CUX1: variants seen among roughly 807,000 people sequenced by gnomAD.
The protein encoded by CUX1 is protein CASP.
A neutral mutation model predicts 158.8 loss-of-function variants in CUX1; 31 were observed. The observed-to-expected ratio is 0.20, with a 90% CI of 0.15 to 0.26. The LOEUF is 0.26. CUX1 is among the 10% of genes least tolerant of loss of function. The pLI, the probability that CUX1 is intolerant of heterozygous loss-of-function variation, is 1.00. For missense variants in CUX1, 1,589 were observed against 2,014.6 expected (o/e 0.79, Z 4.04); for synonymous variants, 879 against 862.1 (o/e 1.02, Z -0.34).
chr7:102,070,447 G>C (rs375830413), intron 4 of CUX1, 30 bp downstream of exon 4: 30 of 1,560,718 alleles, frequency 1.9e-5, no homozygotes, highest in Admixed American at 7.4e-5. Flanking sequence ...GCCCACCAGT[G>C]GGGGGCGTTG....
chr7:102,150,534 T>TTG lies in CUX1; in HGVS notation c.675-8024_675-8023dup, dbSNP rs199625312. On this transcript the variant is annotated intron_variant, in intron 8 of 23. Transcript: ENST00000292535. Reference sequence around the variant, plus strand: ...CGCTCTGTATGTTTTTCCAACTGCCTTGTAGATATACTTTGTTTTAACAGC... The same window carrying TTG: ...CGCTCTGTATGTTTTTCCAACTGCCTTGTGTAGATATACTTTGTTTTAACAGC... Among the ~76,000 whole-genome samples the TTG allele has an allele frequency of 8.7e-3, 1,321 of 152,332 alleles. 11 individuals are homozygous for TTG. The highest frequency in any genetic ancestry group is 0.03 in the African/African-American group (1,262 of 41,578).
At chr7:101,889,424 A>G (rs1800616872) in intron 1 of CUX1, among the ~76,000 whole-genome samples, 1 of 152,122 alleles carries the variant, frequency 6.6e-6, no homozygotes, top group Non-Finnish European at 1.5e-5. Flanking sequence ...TTCCAGCTTT[A>G]TGGGATTCAT....
At chr7:101,840,986 C>T (rs774404353) in intron 1 of CUX1, among the ~76,000 whole-genome samples, 4 of 151,978 alleles carry the variant, frequency 2.6e-5, no homozygotes, top group South Asian at 2.1e-4. Flanking sequence ...CTCTGCCTCC[C>T]GGGTTCACAC....
intron 2 of CUX1, among the ~76,000 whole-genome samples, chr7:102,021,403 G>A (rs964096383): frequency 6.6e-6 from 1 of 151,970 alleles, no homozygotes; most frequent in African/African-American, 2.4e-5. Context: ...CAAACTCCTA[G>A]GCTCAAGCCA....
chr7:102,279,598 C>T (rs1408978072), intron 18 of CUX1, among the ~76,000 whole-genome samples: 1 of 152,136 alleles, frequency 6.6e-6, no homozygotes, highest in Non-Finnish European at 1.5e-5. Context: ...CAGCAGCCCC[C>T]AGCCCTGTCC....
chr7:101,883,597 G>A (rs199773099), intron 1 of CUX1, among the ~76,000 whole-genome samples: 14 of 59,676 alleles, frequency 2.3e-4, no homozygotes, highest in Admixed American at 2.1e-3. Flanking sequence ...ATTTTTTTTT[G>A]AAATTTTAAA....
chr7:102,043,279 T>C (rs1822329205), intron 3 of CUX1, among the ~76,000 whole-genome samples: 1 of 151,288 alleles, frequency 6.6e-6, no homozygotes, highest in Admixed American at 6.6e-5. Context: ...CATGCATACA[T>C]TACGAAGTGA....
rs1791930830 is a variant in CUX1 at position 102,279,956 on chromosome 7, A to G, written c.1681-81A>G. 5.6e-6 allele frequency: 5 copies of G among 894,454 alleles called. No individual in the cohort carries two copies. In the South Asian group the frequency reaches 6.8e-5, roughly 12 times the overall value. 55.4% of individuals were successfully genotyped at this position (894,454 alleles called of 1,614,324 possible). A position where few individuals can be genotyped will look rare whatever the true frequency, so the allele number is the denominator to read the frequency against. ...ACTTCCCTTTTTTGCAGATGAGGAAACTGAGGCTCCCCTGGGCTCCTGCCC... is the reference window on the plus strand; with the variant it reads ...ACTTCCCTTTTTTGCAGATGAGGAAGCTGAGGCTCCCCTGGGCTCCTGCCC... On this transcript the variant is annotated intron_variant, in intron 18 of 22. Transcript: ENST00000292538.
chr7:101,864,104 ATGG>A (rs965558513), intron 1 of CUX1, among the ~76,000 whole-genome samples: 1 of 151,430 alleles, frequency 6.6e-6, no homozygotes, highest in Non-Finnish European at 1.5e-5. Context: ...ATTCCCACCA[ATGG>A]TGCACAAGGG....
intron 2 of CUX1, among the ~76,000 whole-genome samples, chr7:101,999,892 G>A (rs1280300167): frequency 6.6e-6 from 1 of 152,182 alleles, no homozygotes; most frequent in Admixed American, 6.5e-5. Context: ...GTGCGTGTGT[G>A]TGTGCGTGTG....
chr7:101,990,923 A>G (rs1815030426), intron 2 of CUX1, among the ~76,000 whole-genome samples: 1 of 152,196 alleles, frequency 6.6e-6, no homozygotes, highest in African/African-American at 2.4e-5. Flanking sequence ...GTGCCATAGG[A>G]TAAAAGCCAC....
At position 101,848,614 on chromosome 7, in the gene CUX1, G is replaced by A. The variant is rs927711587; in HGVS notation, c.30+30945G>A. The stretch of plus-strand genomic sequence containing the variant: ...CTCCATGGGGGCCAAATTTAGTTGC[G>A]AATTTGCCCACTTTTGTGCAGAGTG... On this transcript the variant is annotated intron_variant, in intron 1 of 23. Transcript: ENST00000292535. Among the ~76,000 whole-genome samples the A allele has an allele frequency of 8.6e-5, 13 of 152,002 alleles. 1 individual carries two copies. The highest frequency in any genetic ancestry group is 1.9e-4 in the East Asian group (1 of 5,182).
intron 17 of CUX1, 133 bp downstream of exon 17, chr7:102,200,305 G>A (rs782186133): frequency 2.3e-5 from 15 of 662,940 alleles, no homozygotes; most frequent in East Asian, 3.0e-5. Flanking sequence ...ATTTAGGCAC[G>A]TAGAGAGAAG....
intron 4 of CUX1, among the ~76,000 whole-genome samples, chr7:102,087,879 C>T (rs1234902051): frequency 1.3e-5 from 2 of 152,128 alleles, no homozygotes; most frequent in Admixed American, 1.3e-4. Flanking sequence ...TTCAAGTATG[C>T]ACGTGAAATC....
chr7:102,025,275 G>A (rs768290600), intron 2 of CUX1, among the ~76,000 whole-genome samples: 22 of 152,190 alleles, frequency 1.4e-4, no homozygotes, highest in Non-Finnish European at 2.6e-4. Context: ...CTATGAGGAC[G>A]TGGTTATCTC....
chr7:102,133,102 T>C (rs1833508003), intron 8 of CUX1, among the ~76,000 whole-genome samples: 1 of 152,204 alleles, frequency 6.6e-6, no homozygotes, highest in Non-Finnish European at 1.5e-5. Flanking sequence ...TGTCTGATCC[T>C]GCTAAAACCT....
At chr7:101,952,828 C>G (rs749015887) in intron 2 of CUX1, among the ~76,000 whole-genome samples, 1 of 152,240 alleles carries the variant, frequency 6.6e-6, no homozygotes, top group Admixed American at 6.5e-5. Context: ...CTTTTCCACC[C>G]CTGCACTGGG....
At chr7:102,161,796 C>CG (rs1316646281) in intron 9 of CUX1, among the ~76,000 whole-genome samples, 2 of 151,952 alleles carry the variant, frequency 1.3e-5, no homozygotes, top group Admixed American at 6.6e-5. Context: ...TTAGTAGAGA[C>CG]GGGGTTTCAC....
intron 8 of CUX1, among the ~76,000 whole-genome samples, chr7:102,155,279 C>T (rs1836145013): frequency 6.6e-6 from 1 of 151,460 alleles, no homozygotes; most frequent in Middle Eastern, 3.4e-3. Flanking sequence ...CGCAGTGGCT[C>T]ATGTCTATAG....
Sources: gnomAD v4.1 joint callset for allele counts (sites outside exome capture counted in the v4.1 genomes callset) on GRCh38, gnomAD v4.1.1 for gene constraint, MANE v1.5 for transcripts, NCBI Gene and HGNC (gene_info 2026-07-23, HGNC 2026-07-21) for gene names.